NOS1AP: variants seen among roughly 807,000 people sequenced by gnomAD.
The protein encoded by NOS1AP is nitric oxide synthase 1 adaptor protein, also known as carboxyl-terminal PDZ ligand of neuronal nitric oxide synthase protein.
A neutral mutation model predicts 56.2 loss-of-function variants in NOS1AP; 21 were observed. The ratio of observed to expected loss-of-function variants is 0.37; its 90% CI spans 0.26 to 0.54. The LOEUF is 0.54. Among genes scored for constraint, NOS1AP ranks in the 20% least tolerant of loss-of-function variants. NOS1AP has a pLI of 0.84. For missense variants in NOS1AP, 522 were observed against 657.8 expected (o/e 0.79, Z 2.26); for synonymous variants, 270 against 274.6 (o/e 0.98, Z 0.17).
chr1:162,366,556 G>C (rs974476941), intron 9 of NOS1AP, among the ~76,000 whole-genome samples: 1 of 152,108 alleles, frequency 6.6e-6, no homozygotes, highest in African/African-American at 2.4e-5. Context: ...ACATCGTTCT[G>C]TCTAGGGCTG....
intron 2 of NOS1AP, among the ~76,000 whole-genome samples, chr1:162,230,635 T>C (rs759106098): frequency 9.9e-5 from 15 of 152,192 alleles, no homozygotes; most frequent in Non-Finnish European, 2.2e-4. Context: ...CTACACCCAT[T>C]AAACAACAAC....
At chr1:162,203,359 C>G (rs114105768) in intron 2 of NOS1AP, among the ~76,000 whole-genome samples, 5,241 of 152,282 alleles carry the variant, frequency 0.034, 131 homozygotes, top group Non-Finnish European at 0.049. Context: ...CCAGATTCCA[C>G]TACTGGTCTG....
intron 6 of NOS1AP, among the ~76,000 whole-genome samples, chr1:162,347,190 A>C (rs1306709037): frequency 6.6e-6 from 1 of 152,224 alleles, no homozygotes; most frequent in African/African-American, 2.4e-5. Context: ...TGCTAGCTGG[A>C]GAAGATTGAA....
chr1:162,271,288 C>G (rs1214567925), intron 2 of NOS1AP, among the ~76,000 whole-genome samples: 2 of 143,890 alleles, frequency 1.4e-5, no homozygotes, highest in African/African-American at 5.1e-5. Context: ...TGGTACCCCC[C>G]ACCCCCCAGC....
intron 2 of NOS1AP, among the ~76,000 whole-genome samples, chr1:162,164,659 AG>A (rs1446091884): frequency 4.6e-5 from 7 of 152,344 alleles, no homozygotes; most frequent in South Asian, 4.1e-4. Flanking sequence ...AATGTTTCTA[AG>A]GTACATGCAT....
At chr1:162,175,072 T>C (rs982174948) in intron 2 of NOS1AP, among the ~76,000 whole-genome samples, 1 of 152,206 alleles carries the variant, frequency 6.6e-6, no homozygotes, top group African/African-American at 2.4e-5. Context: ...GACTTATCAC[T>C]GTTGATGTTA....
intron 1 of NOS1AP, among the ~76,000 whole-genome samples, chr1:162,147,520 A>G (rs1368741205): frequency 6.6e-6 from 1 of 152,134 alleles, no homozygotes; most frequent in Non-Finnish European, 1.5e-5. Flanking sequence ...TTTTCACATT[A>G]TGATTCGTGT....
intron 1 of NOS1AP, among the ~76,000 whole-genome samples, chr1:162,104,883 C>T (rs1647435847): frequency 6.6e-6 from 1 of 152,146 alleles, no homozygotes; most frequent in African/African-American, 2.4e-5. Flanking sequence ...TGTTATTACC[C>T]ACTTTCTGAA....
intron 2 of NOS1AP, among the ~76,000 whole-genome samples, chr1:162,207,450 CT>C (rs1158546110): frequency 1.3e-5 from 2 of 152,210 alleles, no homozygotes; most frequent in East Asian, 3.8e-4. Flanking sequence ...AACAGCAGAG[CT>C]GTTCGAGCTG....
intron 4 of NOS1AP, among the ~76,000 whole-genome samples, chr1:162,300,955 T>A (rs1212520553): frequency 6.6e-6 from 1 of 152,198 alleles, no homozygotes; most frequent in African/African-American, 2.4e-5. Context: ...ACCTCTCGGT[T>A]GTAATTGGAG....
intron 8 of NOS1AP, among the ~76,000 whole-genome samples, chr1:162,358,971 G>C (rs981568446): frequency 6.6e-6 from 1 of 152,172 alleles, no homozygotes; most frequent in Non-Finnish European, 1.5e-5. Flanking sequence ...CTTATCACAG[G>C]TCTACTACAG....
chr1:162,081,060 T>C (rs1220247468), intron 1 of NOS1AP, among the ~76,000 whole-genome samples: 1 of 152,206 alleles, frequency 6.6e-6, no homozygotes, highest in Non-Finnish European at 1.5e-5. Flanking sequence ...GTGCTGTATG[T>C]CATTCAAAAT....
At chr1:162,197,166 G>T (rs1036882508) in intron 2 of NOS1AP, among the ~76,000 whole-genome samples, 3 of 152,160 alleles carry the variant, frequency 2.0e-5, no homozygotes, top group Admixed American at 1.3e-4. Flanking sequence ...CTTGGGTGTT[G>T]CATAGTAAAT....
rs550454040 is a variant in NOS1AP, at chr1:162,122,087, A to G, written c.106-32318A>G. On this transcript the variant is annotated intron_variant, in intron 1 of 9. Coordinates refer to ENST00000361897, the MANE Select transcript of NOS1AP (RefSeq NM_014697.3). ...AATTAATTTCAAGGAATATTTAAGT[A>G]GAGAAGCTCCCATTGATTATTATAA... 2.0e-5 allele frequency among the ~76,000 whole-genome samples: 3 copies of G among 152,378 alleles called. No homozygotes were observed. In the East Asian group the frequency reaches 5.8e-4, roughly 29 times the overall value.
intron 2 of NOS1AP, among the ~76,000 whole-genome samples, chr1:162,270,954 T>C (rs1654564847): frequency 6.6e-6 from 1 of 152,094 alleles, no homozygotes; most frequent in Admixed American, 6.5e-5. Flanking sequence ...AGAAACTGTA[T>C]GTATGTAACT....
rs192149824 is a variant in NOS1AP at position 162,168,427 on chromosome 1, A to C, written c.177+13951A>C. ...CTGCTCAGATACGAACTTCCAAACGAACCTGTTTCTCTTTGGTCCTCAGCC... is the reference window on the plus strand; with the variant it reads ...CTGCTCAGATACGAACTTCCAAACGCACCTGTTTCTCTTTGGTCCTCAGCC... On this transcript the variant is annotated intron_variant, in intron 2 of 9. Coordinates refer to ENST00000361897, the MANE Select transcript of NOS1AP (RefSeq NM_014697.3). Among the ~76,000 whole-genome samples, 8 of 152,308 alleles carry C rather than the reference A, an allele frequency of 5.3e-5. No homozygotes were observed. The East Asian group carries it at 1.5e-3, about 29-fold the overall frequency.
intron 1 of NOS1AP, among the ~76,000 whole-genome samples, chr1:162,079,300 T>C (rs1249736739): frequency 6.6e-6 from 1 of 152,204 alleles, no homozygotes; most frequent in Non-Finnish European, 1.5e-5. Context: ...ATAGAACATA[T>C]GGCCAATTTC....
intron 2 of NOS1AP, among the ~76,000 whole-genome samples, chr1:162,271,927 C>T (rs1238636641): frequency 6.6e-6 from 1 of 152,112 alleles, no homozygotes; most frequent in Non-Finnish European, 1.5e-5. Flanking sequence ...ACTCTGTCAC[C>T]CAGGCTGGAG....
chr1:162,353,257 C>A (rs535902451), intron 6 of NOS1AP, among the ~76,000 whole-genome samples: 1 of 152,086 alleles, frequency 6.6e-6, no homozygotes, highest in African/African-American at 2.4e-5. Context: ...TGCTTTCAGT[C>A]CCTCAAGATA....
Sources: gnomAD v4.1 joint callset for allele counts (sites outside exome capture counted in the v4.1 genomes callset) on GRCh38, gnomAD v4.1.1 for gene constraint, MANE v1.5 for transcripts, NCBI Gene and HGNC (gene_info 2026-07-23, HGNC 2026-07-21) for gene names.